The following ARHGAP26 variants were observed in gnomAD, a reference collection of about 807,000 sequenced individuals.
ARHGAP26 encodes rho GTPase-activating protein 26.
ARHGAP26 carries 38 observed loss-of-function variants against 104.8 expected under a neutral mutation model. The observed-to-expected ratio is 0.36, with a 90% CI of 0.28 to 0.48. The LOEUF (loss-of-function observed/expected upper bound fraction) is 0.48. Ranked by LOEUF, ARHGAP26 falls within the 20% of genes least tolerant of loss-of-function variation. The pLI is 0.99. For missense variants in ARHGAP26, 704 were observed against 947.9 expected (o/e 0.74, Z 3.38); for synonymous variants, 341 against 340.0 (o/e 1.00, Z -0.03).
rs1013445879 is a variant in ARHGAP26 at position 142,963,195 on chromosome 5, T to C, written c.1107+31070T>C. On this transcript the variant is annotated intron_variant, in intron 11 of 22. Transcript: ENST00000645722. Reference sequence around the variant, plus strand: ...ATGTATATATATATATATATATATATATATGTGTGTGTGTGTGTGTGTGTG... The same window carrying C: ...ATGTATATATATATATATATATATACATATGTGTGTGTGTGTGTGTGTGTG... 2.8e-5 allele frequency among the ~76,000 whole-genome samples: 3 copies of C among 105,732 alleles called. No individual in the cohort carries two copies. The South Asian group carries it at 1.2e-3, about 41-fold the overall frequency. 69.4% of individuals were successfully genotyped at this position (105,732 alleles called of 152,430 possible).
At chr5:142,918,259 A>C (rs1330537911) in intron 10 of ARHGAP26, among the ~76,000 whole-genome samples, 4 of 151,662 alleles carry the variant, frequency 2.6e-5, no homozygotes, top group Non-Finnish European at 1.5e-5. Context: ...CGATTCTCCT[A>C]CCTCATCCTC....
chr5:142,965,544 C>CA (rs1428979470), intron 11 of ARHGAP26, among the ~76,000 whole-genome samples: 1 of 152,230 alleles, frequency 6.6e-6, no homozygotes, highest in East Asian at 1.9e-4. Context: ...TATGTCCCCT[C>CA]AGCTCCTATC....
At chr5:142,996,671 A>T (rs1228726254) in intron 11 of ARHGAP26, among the ~76,000 whole-genome samples, 1 of 151,912 alleles carries the variant, frequency 6.6e-6, no homozygotes, top group Non-Finnish European at 1.5e-5. Flanking sequence ...TGTAGGAAGG[A>T]TAGGTGCTAG....
rs952451737 is a variant in ARHGAP26, at chr5:143,225,128, C to T, written c.*2682C>T. 8.2e-5 allele frequency: 18 copies of T among 219,636 alleles called. No individual in the cohort carries two copies. The highest frequency in any genetic ancestry group is 4.7e-4 in the East Asian group (7 of 15,008). 13.6% of individuals were successfully genotyped at this position (219,636 alleles called of 1,614,324 possible). A position where few individuals can be genotyped will look rare whatever the true frequency, so the allele number is the denominator to read the frequency against. On this transcript the variant is annotated 3_prime_UTR_variant, in exon 23 of 23. Coordinates refer to ENST00000645722, the MANE Select transcript of ARHGAP26 (RefSeq NM_001135608.3). The stretch of plus-strand genomic sequence containing the variant: ...GGGGATGTGCATTCACATACTATTA[C>T]GCTTCTCAAAGAGAGACCAACATCA...
At chr5:143,007,407 A>G (rs777242371) in intron 11 of ARHGAP26, among the ~76,000 whole-genome samples, 2 of 152,162 alleles carry the variant, frequency 1.3e-5, no homozygotes, top group Non-Finnish European at 2.9e-5. Context: ...CCACACTTGT[A>G]TTAATTGGAA....
intron 9 of ARHGAP26, among the ~76,000 whole-genome samples, chr5:142,909,746 G>A (rs1438892631): frequency 6.6e-6 from 1 of 152,198 alleles, no homozygotes; most frequent in Admixed American, 6.5e-5. Flanking sequence ...AAACAGAGTT[G>A]TGCCTGCTTT....
At chr5:143,127,331 T>G (rs1796836120) in intron 18 of ARHGAP26, among the ~76,000 whole-genome samples, 1 of 152,224 alleles carries the variant, frequency 6.6e-6, no homozygotes, top group African/African-American at 2.4e-5. Context: ...GAGCAGGATA[T>G]GTGTGTGTTC....
intron 11 of ARHGAP26, among the ~76,000 whole-genome samples, chr5:142,945,654 AG>A (rs1766996190): frequency 6.6e-6 from 1 of 152,228 alleles, no homozygotes; most frequent in Non-Finnish European, 1.5e-5. Flanking sequence ...GCTCATTAAA[AG>A]TTTTTTTTAA....
At chr5:143,131,711 A>G (rs1797373789) in intron 18 of ARHGAP26, among the ~76,000 whole-genome samples, 1 of 152,242 alleles carries the variant, frequency 6.6e-6, no homozygotes, top group Non-Finnish European at 1.5e-5. Flanking sequence ...ATTGTAAGAT[A>G]GTCATCCAAC....
At chr5:142,945,778 T>A (rs1322039622) in intron 11 of ARHGAP26, among the ~76,000 whole-genome samples, 2 of 152,238 alleles carry the variant, frequency 1.3e-5, no homozygotes, top group African/African-American at 4.8e-5. Context: ...CATAACACAG[T>A]ACAATGATCA....
At chr5:143,109,588 G>C (rs1344049071) in intron 17 of ARHGAP26, among the ~76,000 whole-genome samples, 2 of 152,186 alleles carry the variant, frequency 1.3e-5, no homozygotes, top group East Asian at 3.9e-4. Context: ...CCGAGTAGCT[G>C]GGACTACAGG....
chr5:143,078,011 A>G (rs893029198), intron 17 of ARHGAP26, among the ~76,000 whole-genome samples: 6 of 152,058 alleles, frequency 3.9e-5, no homozygotes, highest in South Asian at 2.1e-4. Flanking sequence ...CCTCTCCTAT[A>G]TTCTACCACC....
chr5:142,885,257 C>G (rs760217958), intron 4 of ARHGAP26, 41 bp from the exon 5 acceptor site: 5 of 1,545,034 alleles, frequency 3.2e-6, no homozygotes, highest in Admixed American at 1.7e-5. Flanking sequence ...ATTCCTGCAA[C>G]GTGTTACTCT....
chr5:142,771,213 C>A, intron 1 of ARHGAP26: 1 of 1,271,370 alleles, frequency 7.9e-7, no homozygotes, highest in South Asian at 2.8e-5. Context: ...CGCAGGTGTC[C>A]CAGCAGTGGG....
rs879538210 is a variant in ARHGAP26, at chr5:142,869,082, C to T, written c.155-4318C>T. On this transcript the variant is annotated intron_variant, in intron 1 of 22. Coordinates refer to ENST00000645722, the MANE Select transcript of ARHGAP26 (RefSeq NM_001135608.3). ...AGGAAAGGAAGAGATTAACAAGGCCCGGGGACTTTGGTATTCTTGAACTTT... is the reference window on the plus strand; with the variant it reads ...AGGAAAGGAAGAGATTAACAAGGCCTGGGGACTTTGGTATTCTTGAACTTT... Among the ~76,000 whole-genome samples the T allele has an allele frequency of 1.1e-4, 16 of 152,216 alleles. 1 individual carries two copies. The highest frequency in any genetic ancestry group is 8.3e-4 in the South Asian group (4 of 4,824).
rs1218979781 is a variant in ARHGAP26 at position 142,932,094 on chromosome 5, T to A, written c.1076T>A (p.Leu359His). 8.1e-6 allele frequency: 13 copies of A among 1,614,118 alleles called. No individual in the cohort carries two copies. Among genetic ancestry groups the A allele is most frequent in the Non-Finnish European group, 9.3e-6 (11 of 1,179,982 alleles). ...MQALSEEDRRLWMEAMDGREP... is the reference protein window; with the variant it reads ...MQALSEEDRRHWMEAMDGREP... Reference sequence around the variant, plus strand: ...GCTTTGTCGGAAGAGGACCGGAGGCTCTGGATGGAAGCCATGGATGGCCGG... The same window carrying A: ...GCTTTGTCGGAAGAGGACCGGAGGCACTGGATGGAAGCCATGGATGGCCGG... The change falls in exon 11 of 23, where the codon CTC becomes CAC. Residue 359 changes from leucine to histidine, a missense_variant. Leu to His is a moderately conservative substitution (Grantham distance 99, BLOSUM62 -3). Around this residue, in one of 6 missense-constraint regions of ARHGAP26, gnomAD observed 287 missense variants for 438.8 expected, o/e 0.65. Transcript: ENST00000645722.
intron 17 of ARHGAP26, among the ~76,000 whole-genome samples, chr5:143,118,943 T>TAA (rs11408187): frequency 4.8e-5 from 6 of 123,830 alleles, no homozygotes; most frequent in African/African-American, 1.7e-4. Flanking sequence ...AGTATAATAA[T>TAA]AAAAAAAAAA....
chr5:142,849,694 T>G (rs1025008274), intron 1 of ARHGAP26, among the ~76,000 whole-genome samples: 1 of 152,194 alleles, frequency 6.6e-6, no homozygotes, highest in South Asian at 2.1e-4. Flanking sequence ...GACTTCCCTC[T>G]GGCAGCCCCA....
chr5:143,102,879 A>G (rs554510631), intron 17 of ARHGAP26, among the ~76,000 whole-genome samples: 1 of 150,988 alleles, frequency 6.6e-6, no homozygotes, highest in East Asian at 2.0e-4. Context: ...CAGTGCCTCT[A>G]TGAAATAGAC....
Sources: gnomAD v4.1 joint callset for allele counts (sites outside exome capture counted in the v4.1 genomes callset) on GRCh38, gnomAD v4.1.1 for gene constraint, gnomAD v4.1.1 regional missense constraint, MANE v1.5 for transcripts, NCBI Gene and HGNC (gene_info 2026-07-23, HGNC 2026-07-21) for gene names.